Variants in LTBP2 observed in about 807,000 individuals in gnomAD.
LTBP2 encodes the protein latent transforming growth factor beta binding protein 2.
A neutral mutation model predicts 210.6 loss-of-function variants in LTBP2; 103 were observed. The observed-to-expected ratio is 0.49, with a 90% CI of 0.42 to 0.58. LTBP2 has a LOEUF of 0.58. Among genes scored for constraint, LTBP2 ranks in the 20% least tolerant of loss-of-function variants. The pLI is 0.00. For missense variants in LTBP2, 2,313 were observed against 2,494.5 expected (o/e 0.93, Z 1.55); for synonymous variants, 1,007 against 1,015.0 (o/e 0.99, Z 0.15).
intron 2 of LTBP2, among the ~76,000 whole-genome samples, chr14:74,594,211 G>A (rs1240512079): frequency 1.3e-5 from 2 of 152,074 alleles, no homozygotes; most frequent in African/African-American, 2.4e-5. Flanking sequence ...CCTCCCCACT[G>A]CCACCCTACC....
In LTBP2 at chr14:74,571,568, A is replaced by G. The variant is rs2087978854; in HGVS notation, c.830+14286T>C. Among the ~76,000 whole-genome samples, 6 of 152,240 alleles carry G rather than the reference A, an allele frequency of 3.9e-5. No individual in the cohort carries two copies. The South Asian group carries it at 1.2e-3, about 32-fold the overall frequency. The stretch of plus-strand genomic sequence containing the variant: ...TATTTAAGACATAAATTATTTCACA[A>G]TTCTGCCCTCACACGCTACTGCATT... On this transcript the variant is annotated intron_variant, in intron 3 of 35. Coordinates refer to ENST00000261978, the MANE Select transcript of LTBP2 (RefSeq NM_000428.3).
chr14:74,523,464 T>C (rs1025102772), intron 15 of LTBP2, among the ~76,000 whole-genome samples: 1 of 151,908 alleles, frequency 6.6e-6, no homozygotes, highest in African/African-American at 2.4e-5. Flanking sequence ...GAAAGGCCAC[T>C]CAGGCAACGA....
chr14:74,563,569 CTG>C (rs2087824556), intron 3 of LTBP2, among the ~76,000 whole-genome samples: 1 of 152,160 alleles, frequency 6.6e-6, no homozygotes, highest in African/African-American at 2.4e-5. Flanking sequence ...CCACCACTGA[CTG>C]TTTTTGTACA....
At chr14:74,522,343 T>C (rs1264495721) in intron 16 of LTBP2, among the ~76,000 whole-genome samples, 1 of 152,214 alleles carries the variant, frequency 6.6e-6, no homozygotes, top group Non-Finnish European at 1.5e-5. Context: ...TATTTCTCCC[T>C]TATTTGAAAA....
At position 74,501,555 on chromosome 14, in the gene LTBP2, C is replaced by A; in HGVS notation, c.5206G>T (p.Glu1736Ter). The change falls in exon 35 of 36, where the codon GAG becomes TAG. Residue 1736 changes from glutamate to a stop codon, truncating the protein, a stop_gained. Transcript: ENST00000261978. LOFTEE classifies it high-confidence loss of function. ...TCACAGCCGTTCAGGATGCCGCACT[C>A]CTCCGCCTGAAGCCCTTCGAAGCCG... ...PAGFEGLQAE[E>*]CGILNGCENG... 6.2e-7 allele frequency: 1 copy of A among 1,614,184 alleles called. No homozygotes were observed. Among genetic ancestry groups the A allele is most frequent in the Non-Finnish European group, 8.5e-7 (1 of 1,180,040 alleles).
At chr14:74,516,782 G>C in intron 18 of LTBP2, 40 bp downstream of exon 18, 1 of 1,527,522 alleles carries the variant, frequency 6.5e-7, no homozygotes. Context: ...ACAGGTGGGT[G>C]GTGGGGTGGC....
intron 5 of LTBP2, 138 bp from the exon 6 acceptor site, chr14:74,552,531 AG>A: frequency 1.3e-6 from 1 of 787,858 alleles, no homozygotes; most frequent in Non-Finnish European, 2.1e-6. Flanking sequence ...CCTGAAATGT[AG>A]GGACTTTCCA....
At chr14:74,601,203 G>A (rs558621468) in intron 2 of LTBP2, among the ~76,000 whole-genome samples, 6 of 152,274 alleles carry the variant, frequency 3.9e-5, no homozygotes, top group Non-Finnish European at 8.8e-5. Context: ...CCAATAAGGT[G>A]TGTGGCCTTG....
At chr14:74,538,132 T>C (rs989672348) in intron 8 of LTBP2, among the ~76,000 whole-genome samples, 2 of 152,188 alleles carry the variant, frequency 1.3e-5, no homozygotes, top group Non-Finnish European at 2.9e-5. Context: ...CTTTATCCAA[T>C]TGTACAGCAA....
At chr14:74,506,614 A>G in intron 27 of LTBP2, 84 bp downstream of exon 27, 1 of 1,592,240 alleles carries the variant, frequency 6.3e-7, no homozygotes, top group Non-Finnish European at 8.5e-7. Flanking sequence ...TGATGGAGCC[A>G]CGTGACCAGG....
rs2087140952 is a variant in LTBP2 at position 74,516,803 on chromosome 14, C to T, written c.2908+19G>A. On this transcript the variant is annotated intron_variant, in intron 18 of 35. Transcript: ENST00000261978. Reference sequence around the variant, plus strand: ...GGGTGGTGGGGTGGCAGGGCGCTTCCCTCCTTCCCGTTCCTTACCTTGGCA... The same window carrying T: ...GGGTGGTGGGGTGGCAGGGCGCTTCTCTCCTTCCCGTTCCTTACCTTGGCA... The T allele has an allele frequency of 1.3e-6, 2 of 1,551,206 alleles. No individual in the cohort carries two copies. The highest frequency in any genetic ancestry group is 2.0e-5 in the Admixed American group (1 of 50,988).
At chr14:74,519,569 C>T (rs148937341) in intron 17 of LTBP2, among the ~76,000 whole-genome samples, 1 of 151,754 alleles carries the variant, frequency 6.6e-6, no homozygotes, top group African/African-American at 2.4e-5. Context: ...AATATCAAAT[C>T]ATTGAGGTAA....
chr14:74,509,182 T>C, intron 22 of LTBP2, 56 bp downstream of exon 22: 1 of 1,612,468 alleles, frequency 6.2e-7, no homozygotes, highest in Non-Finnish European at 8.5e-7. Context: ...GGCTTCACCA[T>C]GGCCCTGACA....
At chr14:74,564,560 A>G (rs2087877622) in intron 3 of LTBP2, among the ~76,000 whole-genome samples, 1 of 147,344 alleles carries the variant, frequency 6.8e-6, no homozygotes, top group Non-Finnish European at 1.5e-5. Context: ...ATGCCAGGCT[A>G]ATTTTTTTTT....
rs2088194935 is a variant in LTBP2, at chr14:74,585,726, G to T, written c.830+128C>A. 2.1e-6 allele frequency: 3 copies of T among 1,437,044 alleles called. No individual in the cohort carries two copies. In the Admixed American group the frequency reaches 6.1e-5, roughly 29 times the overall value. 89.0% of individuals were successfully genotyped at this position (1,437,044 alleles called of 1,614,324 possible). ...GCCATGCCAGGGAAAGCCAAGGAGG[G>T]TGGGGAGGAGAGAAGGGAGGACTCT... On this transcript the variant is annotated intron_variant, in intron 3 of 35. Coordinates refer to ENST00000261978, the MANE Select transcript of LTBP2 (RefSeq NM_000428.3).
At chr14:74,524,137 C>T (rs1426497787) in intron 15 of LTBP2, among the ~76,000 whole-genome samples, 1 of 152,046 alleles carries the variant, frequency 6.6e-6, no homozygotes, top group African/African-American at 2.4e-5. Context: ...CTGCCCCCTG[C>T]CCCCTGCCCC....
chr14:74,587,486 G>A (rs561440406), intron 2 of LTBP2, among the ~76,000 whole-genome samples: 87 of 151,596 alleles, frequency 5.7e-4, no homozygotes, highest in Non-Finnish European at 1.1e-3. Flanking sequence ...AGATGGGAGC[G>A]TGCAAAGGAA....
intron 20 of LTBP2, 95 bp downstream of exon 20, chr14:74,509,996 G>GGGGTGGATTCAGGGGGCCAA: frequency 1.2e-6 from 2 of 1,610,692 alleles, no homozygotes; most frequent in Non-Finnish European, 1.7e-6. Context: ...TGCAAGGCCA[G>GGGGTGGATTCAGGGGGCCAA]GGGTGGATTC....
intron 2 of LTBP2, among the ~76,000 whole-genome samples, chr14:74,593,186 C>T (rs1185714972): frequency 2.0e-5 from 3 of 152,240 alleles, no homozygotes; most frequent in African/African-American, 4.8e-5. Flanking sequence ...AGATTTTCCA[C>T]ACAAAACCCC....
Sources: gnomAD v4.1 joint callset for allele counts (sites outside exome capture counted in the v4.1 genomes callset) on GRCh38, gnomAD v4.1.1 for gene constraint, MANE v1.5 for transcripts, NCBI Gene and HGNC (gene_info 2026-07-23, HGNC 2026-07-21) for gene names.